The following NCOA1 variants were observed in gnomAD, a reference collection of about 807,000 sequenced individuals.
NCOA1 encodes nuclear receptor coactivator 1, also known as Hin-2 protein.
A neutral mutation model predicts 150.9 loss-of-function variants in NCOA1; 35 were observed. The ratio of observed to expected loss-of-function variants is 0.23; its 90% CI spans 0.18 to 0.31. The LOEUF (loss-of-function observed/expected upper bound fraction) is 0.31, where lower values mean the gene tolerates loss of function less well. NCOA1 is among the 10% of genes least tolerant of loss of function. The pLI, the probability that NCOA1 is intolerant of heterozygous loss-of-function variation, is 1.00. For missense variants in NCOA1, 1,491 were observed against 1,749.3 expected (o/e 0.85, Z 2.63); for synonymous variants, 590 against 630.0 (o/e 0.94, Z 0.95).
intron 3 of NCOA1, among the ~76,000 whole-genome samples, chr2:24,605,908 C>T (rs1396848908): frequency 6.6e-6 from 1 of 152,174 alleles, no homozygotes; most frequent in Non-Finnish European, 1.5e-5. Flanking sequence ...ATTCCTGTAC[C>T]TTTTCCTACC....
chr2:24,759,773 TATGTATAGAGGTATAATATA>T (rs1664688092), intron 21 of NCOA1, among the ~76,000 whole-genome samples: 2 of 152,104 alleles, frequency 1.3e-5, no homozygotes, highest in South Asian at 4.1e-4. Context: ...GTGATATATG[TATGTATAGAGGTATAATATA>T]ATGTATAGAG....
intron 20 of NCOA1, among the ~76,000 whole-genome samples, chr2:24,756,376 C>T (rs1304100137): frequency 6.6e-6 from 1 of 152,206 alleles, no homozygotes; most frequent in Admixed American, 6.5e-5. Flanking sequence ...GTATTACTGA[C>T]TATTTCCTAG....
At chr2:24,639,867 G>A (rs1230976292) in intron 3 of NCOA1, among the ~76,000 whole-genome samples, 4 of 134,366 alleles carry the variant, frequency 3.0e-5, no homozygotes, top group South Asian at 2.4e-4. Context: ...CAGCCCGGGC[G>A]ACAGTGCGAG....
chr2:24,546,630 A>G (rs1203769184), intron 1 of NCOA1, among the ~76,000 whole-genome samples: 5 of 152,248 alleles, frequency 3.3e-5, no homozygotes, highest in Non-Finnish European at 5.9e-5. Context: ...ATTTGCTGAT[A>G]TCACGAGCTT....
chr2:24,683,610 A>C (rs372557718), intron 8 of NCOA1, among the ~76,000 whole-genome samples: 19 of 152,198 alleles, frequency 1.2e-4, no homozygotes, highest in East Asian at 5.8e-4. Flanking sequence ...GATGGAGTCT[A>C]ATTTCTAGTG....
At chr2:24,571,963 T>C (rs1053646175) in intron 2 of NCOA1, among the ~76,000 whole-genome samples, 1 of 152,208 alleles carries the variant, frequency 6.6e-6, no homozygotes, top group African/African-American at 2.4e-5. Flanking sequence ...TTCTTTGTGA[T>C]ACTTAGATAA....
Position 24,768,201 on chromosome 2 carries a change from A to G in NCOA1, c.4156-20A>G. ...GGGGCAGACCCTTCTGTCTAAACAC[A>G]TCTTTTATTTGTGTTCCAGCAGGTG... On this transcript the variant is annotated intron_variant, in intron 22 of 22. Coordinates refer to ENST00000348332, the MANE Select transcript of NCOA1 (RefSeq NM_003743.5). The G allele has an allele frequency of 6.2e-7, 1 of 1,611,828 alleles. No individual in the cohort carries two copies. The highest frequency in any genetic ancestry group is 8.5e-7 in the Non-Finnish European group (1 of 1,178,204).
At chr2:24,611,366 C>A (rs1237078066) in intron 3 of NCOA1, among the ~76,000 whole-genome samples, 3 of 152,156 alleles carry the variant, frequency 2.0e-5, no homozygotes, top group Non-Finnish European at 4.4e-5. Context: ...TCTAGGTTGA[C>A]TTCATGTTTT....
At chr2:24,694,467 A>G (rs1000172523) in intron 10 of NCOA1, among the ~76,000 whole-genome samples, 1 of 152,196 alleles carries the variant, frequency 6.6e-6, no homozygotes. Context: ...CCACCTTTTT[A>G]TAAGATCCTA....
intron 3 of NCOA1, among the ~76,000 whole-genome samples, chr2:24,642,037 T>TGTGTGTGTGTGTGGGCGC (rs942145000): frequency 2.2e-5 from 3 of 138,558 alleles, no homozygotes; most frequent in Admixed American, 7.4e-5. Context: ...TGTGTGTGTG[T>TGTGTGTGTGTGTGGGCGC]GCGCGCGTGC....
chr2:24,553,453 A>C (rs1665949372), intron 1 of NCOA1, among the ~76,000 whole-genome samples: 1 of 152,084 alleles, frequency 6.6e-6, no homozygotes, highest in Non-Finnish European at 1.5e-5. Context: ...TGCTGACCTC[A>C]AGTGATCTGC....
intron 1 of NCOA1, among the ~76,000 whole-genome samples, chr2:24,501,965 T>C (rs1663482189): frequency 6.6e-6 from 1 of 152,226 alleles, no homozygotes; most frequent in Admixed American, 6.5e-5. Context: ...TATGACTAGA[T>C]GTGCAGTCTG....
intron 6 of NCOA1, among the ~76,000 whole-genome samples, chr2:24,671,505 A>C (rs1439550272): frequency 2.6e-5 from 4 of 152,174 alleles, no homozygotes; most frequent in African/African-American, 4.8e-5. Flanking sequence ...AAATAAAATA[A>C]AACAAGCAAA....
Position 24,555,830 on chromosome 2 carries a change from A to G in NCOA1, c.-395-8465A>G, listed in dbSNP as rs190862506. 3.3e-5 allele frequency among the ~76,000 whole-genome samples: 5 copies of G among 152,316 alleles called. No individual in the cohort carries two copies. The South Asian group carries it at 8.3e-4, about 25-fold the overall frequency. On this transcript the variant is annotated intron_variant, in intron 1 of 22. Coordinates refer to ENST00000348332, the MANE Select transcript of NCOA1 (RefSeq NM_003743.5). The stretch of plus-strand genomic sequence containing the variant: ...TTTTCTCTTCGTATTTAAAGTGGGT[A>G]CCTTGTAGATAGGATGTAGTTGGAT...
chr2:24,727,114 G>A (rs1234846099), intron 15 of NCOA1, among the ~76,000 whole-genome samples: 1 of 146,524 alleles, frequency 6.8e-6, no homozygotes, highest in African/African-American at 2.5e-5. Flanking sequence ...CTCCAGCCTG[G>A]GCAACAAGAG....
At chr2:24,640,881 C>T (rs575031259) in intron 3 of NCOA1, among the ~76,000 whole-genome samples, 59 of 151,912 alleles carry the variant, frequency 3.9e-4, no homozygotes, top group African/African-American at 9.7e-4. Flanking sequence ...TGTGGGTTTG[C>T]TTTTTCCCTA....
intron 3 of NCOA1, among the ~76,000 whole-genome samples, chr2:24,598,681 AAAAAAC>A (rs1441999345): frequency 6.6e-6 from 1 of 152,186 alleles, no homozygotes; most frequent in Non-Finnish European, 1.5e-5. Flanking sequence ...TGGAGAATTA[AAAAAAC>A]AAAAACAAAA....
chr2:24,595,866 T>C (rs1667864076), intron 3 of NCOA1, among the ~76,000 whole-genome samples: 1 of 152,118 alleles, frequency 6.6e-6, no homozygotes, highest in Non-Finnish European at 1.5e-5. Flanking sequence ...TTTCATGAAG[T>C]GTTAATGTGA....
intron 7 of NCOA1, among the ~76,000 whole-genome samples, chr2:24,682,013 C>T (rs1672200977): frequency 6.6e-6 from 1 of 152,154 alleles, no homozygotes; most frequent in South Asian, 2.1e-4. Context: ...TGCGCCCGGC[C>T]CCGTGGCCTT....
Sources: allele counts gnomAD v4.1 joint callset (sites outside exome capture counted in the v4.1 genomes callset), GRCh38; gene constraint gnomAD v4.1.1; transcripts MANE v1.5; gene names NCBI Gene and HGNC (gene_info 2026-07-23, HGNC 2026-07-21).